ATRNL1: variants seen among roughly 807,000 people sequenced by gnomAD.
ATRNL1 encodes the protein attractin-like protein 1.
ATRNL1 carries 95 observed loss-of-function variants against 182.7 expected under a neutral mutation model. The observed-to-expected ratio is 0.52, with a 90% confidence interval of 0.44 to 0.62. The LOEUF (loss-of-function observed/expected upper bound fraction) is 0.62, where lower values mean the gene tolerates loss of function less well. Among genes scored for constraint, ATRNL1 ranks in the 20% least tolerant of loss-of-function variants. The pLI, the probability that ATRNL1 is intolerant of heterozygous loss-of-function variation, is 0.00. For missense variants in ATRNL1, 1,471 were observed against 1,679.5 expected (o/e 0.88, Z 2.17); for synonymous variants, 576 against 568.3 (o/e 1.01, Z -0.19).
chr10:115,480,122 T>C (rs892637014), intron 24 of ATRNL1, among the ~76,000 whole-genome samples: 7 of 150,976 alleles, frequency 4.6e-5, no homozygotes, highest in Non-Finnish European at 8.9e-5. Context: ...CAGAACAAAA[T>C]AGAAGAAGAA....
At chr10:115,729,447 A>C (rs949002702) in intron 27 of ATRNL1, among the ~76,000 whole-genome samples, 2 of 150,574 alleles carry the variant, frequency 1.3e-5, no homozygotes, top group Non-Finnish European at 2.9e-5. Context: ...TGATGTTAAC[A>C]CTGACATTAA....
intron 9 of ATRNL1, among the ~76,000 whole-genome samples, chr10:115,221,881 A>G (rs1439390812): frequency 1.3e-5 from 2 of 152,140 alleles, no homozygotes; most frequent in African/African-American, 4.8e-5. Context: ...TAAATACTTT[A>G]TTGAGTGAGA....
At chr10:115,773,894 C>G (rs1367597838) in intron 27 of ATRNL1, among the ~76,000 whole-genome samples, 1 of 152,078 alleles carries the variant, frequency 6.6e-6, no homozygotes, top group Non-Finnish European at 1.5e-5. Context: ...TTCCTATCTC[C>G]CTCCCTTTTT....
At chr10:115,739,517 A>G (rs1259700916) in intron 27 of ATRNL1, among the ~76,000 whole-genome samples, 2 of 152,240 alleles carry the variant, frequency 1.3e-5, no homozygotes, top group Admixed American at 6.5e-5. Context: ...CAGAATGGGC[A>G]GATTGTATCT....
At chr10:115,742,223 G>A (rs1340018905) in intron 27 of ATRNL1, among the ~76,000 whole-genome samples, 3 of 152,232 alleles carry the variant, frequency 2.0e-5, no homozygotes, top group South Asian at 4.1e-4. Context: ...TAAGAAATTG[G>A]CAGTTTCAAG....
At chr10:115,382,253 G>C (rs1197604223) in intron 19 of ATRNL1, among the ~76,000 whole-genome samples, 1 of 151,982 alleles carries the variant, frequency 6.6e-6, no homozygotes, top group East Asian at 1.9e-4. Flanking sequence ...ATTCTGGTAA[G>C]GATTACATGA....
At chr10:115,204,835 GA>G (rs1362734797) in intron 8 of ATRNL1, among the ~76,000 whole-genome samples, 4 of 152,036 alleles carry the variant, frequency 2.6e-5, no homozygotes, top group Admixed American at 2.6e-4. Flanking sequence ...GGAAAAGTTT[GA>G]AAAGGATTGT....
Position 115,727,290 on chromosome 10 carries a change from G to T in ATRNL1, c.3838G>T (p.Ala1280Ser). ...ERQQMASRPF[A>S]SVDVALEVGA... Reference sequence around the variant, plus strand: ...ACAGCAGATGGCCAGCCGTCCCTTTGCTTCTGTTGATGTAGCTCTGGAAGT... The same window carrying T: ...ACAGCAGATGGCCAGCCGTCCCTTTTCTTCTGTTGATGTAGCTCTGGAAGT... Residue 1280 changes from alanine (A) to serine (S), a missense_variant, in exon 27 of 29, where the codon GCT becomes TCT. Physicochemically the swap from Ala to Ser is moderately conservative, Grantham distance 99. Around this residue, in one of 3 missense-constraint regions of ATRNL1, gnomAD observed 437 missense variants for 506.0 expected, o/e 0.86. Transcript: ENST00000355044. 6 of 1,614,110 alleles carry T rather than the reference G, an allele frequency of 3.7e-6. No homozygotes were observed. The highest frequency in any genetic ancestry group is 5.1e-6 in the Non-Finnish European group (6 of 1,179,996).
At chr10:115,502,512 C>G (rs1294061623) in intron 24 of ATRNL1, among the ~76,000 whole-genome samples, 1 of 151,724 alleles carries the variant, frequency 6.6e-6, no homozygotes, top group Non-Finnish European at 1.5e-5. Flanking sequence ...AAACAAGAAG[C>G]CCTAGTAAAA....
intron 9 of ATRNL1, among the ~76,000 whole-genome samples, chr10:115,221,967 T>C (rs200068020): frequency 6.6e-6 from 1 of 151,174 alleles, no homozygotes; most frequent in South Asian, 2.1e-4. Flanking sequence ...AAAAAAAAGC[T>C]CGGAAGAAGA....
chr10:115,688,899 CTA>C (rs1555047193), intron 26 of ATRNL1, among the ~76,000 whole-genome samples: 1 of 152,008 alleles, frequency 6.6e-6, no homozygotes. Context: ...AGATTTTTCT[CTA>C]TGTTTCTTCT....
chr10:115,188,884 A>G (rs1848060311), intron 8 of ATRNL1, among the ~76,000 whole-genome samples: 1 of 152,170 alleles, frequency 6.6e-6, no homozygotes, highest in Admixed American at 6.6e-5. Flanking sequence ...TTTAGAAACA[A>G]TTCAATCATA....
intron 22 of ATRNL1, among the ~76,000 whole-genome samples, chr10:115,462,285 C>T (rs1180404517): frequency 1.3e-5 from 2 of 151,892 alleles, no homozygotes; most frequent in African/African-American, 2.4e-5. Context: ...AAAATTTATG[C>T]CTATAATTAT....
intron 9 of ATRNL1, among the ~76,000 whole-genome samples, chr10:115,230,919 G>GAGAGAGAGAA (rs1849918070): frequency 8.3e-6 from 1 of 120,830 alleles, no homozygotes; most frequent in Non-Finnish European, 1.8e-5. Context: ...GAGAGAGAGA[G>GAGAGAGAGAA]AGAAAGAGAG....
At chr10:115,683,544 T>C in intron 26 of ATRNL1, among the ~76,000 whole-genome samples, 2 of 107,060 alleles carry the variant, frequency 1.9e-5, no homozygotes, top group African/African-American at 3.5e-5. Context: ...AGAAGAGAAC[T>C]AGCGTTTTTT....
chr10:115,475,383 A>C (rs1313450671), intron 24 of ATRNL1, among the ~76,000 whole-genome samples: 1 of 151,498 alleles, frequency 6.6e-6, no homozygotes, highest in Non-Finnish European at 1.5e-5. Context: ...CTTTATACCT[A>C]TCAGTTTGTC....
intron 1 of ATRNL1, 64 bp from the exon 2 acceptor site, chr10:115,120,121 T>C: frequency 1.1e-6 from 1 of 947,296 alleles, no homozygotes; most frequent in South Asian, 1.5e-5. Flanking sequence ...AATTTTCTTA[T>C]CCTGCTATAT....
chr10:115,816,687 C>T (rs959635078), intron 27 of ATRNL1, among the ~76,000 whole-genome samples: 30 of 152,022 alleles, frequency 2.0e-4, no homozygotes, highest in Admixed American at 1.6e-3. Flanking sequence ...TCCTCTACTA[C>T]GCACTTTAAC....
chr10:115,384,424 T>G (rs1554952075), intron 19 of ATRNL1, among the ~76,000 whole-genome samples: 2 of 152,010 alleles, frequency 1.3e-5, no homozygotes, highest in Admixed American at 6.5e-5. Context: ...TTTAATTTCT[T>G]TTGGTCACAA....
Sources: allele counts gnomAD v4.1 joint callset (sites outside exome capture counted in the v4.1 genomes callset), GRCh38; gene constraint gnomAD v4.1.1; regional missense constraint gnomAD v4.1.1; transcripts MANE v1.5; gene names NCBI Gene and HGNC (gene_info 2026-07-23, HGNC 2026-07-21).